The following TNS3 variants were observed in gnomAD, a reference collection of about 807,000 sequenced individuals.
TNS3 encodes the protein tensin 3.
Under a neutral mutation model 140.9 loss-of-function variants are expected in TNS3, and 45 were observed. The ratio of observed to expected loss-of-function variants is 0.32; its 90% CI spans 0.25 to 0.41. The LOEUF (loss-of-function observed/expected upper bound fraction) is 0.41, where lower values mean the gene tolerates loss of function less well. TNS3 is among the 10% of genes least tolerant of loss of function. The probability of loss-of-function intolerance (pLI) is 1.00; values close to 1 mark genes in which losing one functional copy is unlikely to be tolerated. For missense variants in TNS3, 1,716 were observed against 1,906.7 expected (o/e 0.90, Z 1.86); for synonymous variants, 815 against 788.4 (o/e 1.03, Z -0.56).
At chr7:47,370,629 T>C (rs984411517) in intron 16 of TNS3, among the ~76,000 whole-genome samples, 1 of 152,256 alleles carries the variant, frequency 6.6e-6, no homozygotes, top group Non-Finnish European at 1.5e-5. Flanking sequence ...TAGCAGGTCC[T>C]TACCAAGAGC....
intron 17 of TNS3, among the ~76,000 whole-genome samples, chr7:47,350,324 T>A: frequency 6.6e-6 from 1 of 152,230 alleles, no homozygotes; most frequent in South Asian, 2.1e-4. Context: ...CTGTCTCTCG[T>A]GTGAATTTCA....
chr7:47,365,685 G>A (rs979267030), intron 17 of TNS3, among the ~76,000 whole-genome samples: 12 of 151,774 alleles, frequency 7.9e-5, no homozygotes, highest in East Asian at 1.9e-4. Context: ...GTGCGAACCC[G>A]GGAGGTGGAG....
intron 16 of TNS3, among the ~76,000 whole-genome samples, chr7:47,379,568 A>C (rs1262543967): frequency 6.6e-6 from 1 of 151,062 alleles, no homozygotes; most frequent in Non-Finnish European, 1.5e-5. Flanking sequence ...AGACGCGATG[A>C]AATGTGCCCT....
At chr7:47,557,109 C>T (rs1475799445) in intron 1 of TNS3, 1 of 456,694 alleles carries the variant, frequency 2.2e-6, no homozygotes, top group Non-Finnish European at 4.4e-6. Context: ...CTGATCTCTG[C>T]CTGGAGCACA....
At chr7:47,428,855 C>T (rs905721100) in intron 8 of TNS3, among the ~76,000 whole-genome samples, 4 of 152,170 alleles carry the variant, frequency 2.6e-5, no homozygotes, top group African/African-American at 7.2e-5. Context: ...CCACATACAC[C>T]GCCGCAGCCC....
intron 3 of TNS3, among the ~76,000 whole-genome samples, chr7:47,493,760 G>A (rs1239574591): frequency 2.0e-5 from 3 of 151,600 alleles, no homozygotes; most frequent in African/African-American, 4.8e-5. Flanking sequence ...CCCAGGAGGC[G>A]GAGCTTGCAA....
intron 24 of TNS3, among the ~76,000 whole-genome samples, chr7:47,296,259 C>A (rs1046722126): frequency 1.3e-5 from 2 of 152,144 alleles, no homozygotes; most frequent in African/African-American, 2.4e-5. Flanking sequence ...AAAGCCAGAA[C>A]TTCCAAAGAG....
At chr7:47,360,290 G>A (rs1790239737) in intron 17 of TNS3, among the ~76,000 whole-genome samples, 1 of 152,106 alleles carries the variant, frequency 6.6e-6, no homozygotes, top group Non-Finnish European at 1.5e-5. Context: ...AGGTGGAGAG[G>A]AGCTGTGTCT....
chr7:47,389,060 GAAGAAGAA>G (rs1792292287), intron 16 of TNS3, among the ~76,000 whole-genome samples: 3 of 72,348 alleles, frequency 4.1e-5, no homozygotes, highest in African/African-American at 6.5e-5. Flanking sequence ...AGAAGAAGAA[GAAGAAGAA>G]GAAGAAGAAG....
At chr7:47,491,954 T>A (rs868606550) in intron 3 of TNS3, among the ~76,000 whole-genome samples, 1 of 152,204 alleles carries the variant, frequency 6.6e-6, no homozygotes, top group Non-Finnish European at 1.5e-5. Context: ...CCTGACACCA[T>A]GAACATTCTA....
chr7:47,350,576 C>T (rs1047640977), intron 17 of TNS3, among the ~76,000 whole-genome samples: 5 of 152,178 alleles, frequency 3.3e-5, no homozygotes, highest in African/African-American at 1.2e-4. Context: ...ACCGGGCTGG[C>T]GGGAGCTGCT....
chr7:47,467,494 G>A (rs911987443), intron 4 of TNS3, among the ~76,000 whole-genome samples: 7 of 152,312 alleles, frequency 4.6e-5, no homozygotes, highest in Admixed American at 1.3e-4. Context: ...AAATGCACCA[G>A]GAGAATGAGA....
chr7:47,501,174 GAGGAAGGA>G (rs56315200), intron 3 of TNS3, among the ~76,000 whole-genome samples: 7 of 80,062 alleles, frequency 8.7e-5, no homozygotes, highest in Admixed American at 4.0e-4. Flanking sequence ...GGGAGGAAGA[GAGGAAGGA>G]AGGAAGGGAG....
chr7:47,362,215 T>C (rs1457207486), intron 17 of TNS3, among the ~76,000 whole-genome samples: 2 of 151,956 alleles, frequency 1.3e-5, no homozygotes, highest in Admixed American at 6.6e-5. Context: ...GGGAGTAAAA[T>C]GTCCCCAAAC....
At chr7:47,330,915 T>C (rs1788303615) in intron 20 of TNS3, among the ~76,000 whole-genome samples, 1 of 152,136 alleles carries the variant, frequency 6.6e-6, no homozygotes, top group African/African-American at 2.4e-5. Context: ...TCACGGGTCC[T>C]ACAGGGGCTG....
In TNS3 at chr7:47,389,196, A is replaced by C. The variant is rs916790512; in HGVS notation, c.1024+7604T>G. ...GAAGCAGAAGAAGCAGAAGAAGAAG[A>C]AGAAGAAGAAGAGGGAGAAGACACA... is the stretch of plus-strand genomic sequence containing the variant. On this transcript the variant is annotated intron_variant, in intron 16 of 30. Transcript: ENST00000311160. Among the ~76,000 whole-genome samples the C allele has an allele frequency of 3.8e-4, 58 of 151,540 alleles. 7 individuals carry two copies. The highest frequency in any genetic ancestry group is 6.2e-4 in the Non-Finnish European group (42 of 67,826).
intron 26 of TNS3, 105 bp from the exon 27 acceptor site, chr7:47,292,137 G>A (rs1785742318): frequency 8.7e-7 from 1 of 1,155,968 alleles, no homozygotes; most frequent in Admixed American, 2.0e-5. Context: ...ATGGTGACAT[G>A]CAATGGTTTT....
chr7:47,342,474 A>G (rs1359292203), intron 20 of TNS3, among the ~76,000 whole-genome samples: 1 of 152,222 alleles, frequency 6.6e-6, no homozygotes, highest in Non-Finnish European at 1.5e-5. Flanking sequence ...TTTTTAGATA[A>G]GGAGGTGGAG....
chr7:47,465,941 T>C (rs1156359771), intron 4 of TNS3, among the ~76,000 whole-genome samples: 2 of 151,628 alleles, frequency 1.3e-5, no homozygotes, highest in East Asian at 3.9e-4. Context: ...AATAAATAAA[T>C]AAATAAATAA....
Sources: gnomAD v4.1 joint callset for allele counts (sites outside exome capture counted in the v4.1 genomes callset) on GRCh38, gnomAD v4.1.1 for gene constraint, MANE v1.5 for transcripts, NCBI Gene and HGNC (gene_info 2026-07-23, HGNC 2026-07-21) for gene names.